Variants in HPS5 observed in about 807,000 individuals in gnomAD.
HPS5 encodes the protein BLOC-2 complex member HPS5.
In HPS5, 83 loss-of-function variants were observed where a neutral mutation model predicts 128.0. That is an observed-to-expected ratio of 0.65 (90% CI 0.54 to 0.78). The LOEUF (loss-of-function observed/expected upper bound fraction) is 0.78. Ranked by LOEUF, HPS5 falls within the 30% of genes least tolerant of loss-of-function variation. HPS5 has a pLI of 0.00. For synonymous variants in HPS5, 475 were observed against 470.2 expected (o/e 1.01, Z -0.13); for missense variants, 1,281 against 1,326.2 (o/e 0.97, Z 0.53).
At chr11:18,304,165 CT>C (rs1359596260) in intron 8 of HPS5, among the ~76,000 whole-genome samples, 1 of 150,572 alleles carries the variant, frequency 6.6e-6, no homozygotes, top group African/African-American at 2.4e-5. Context: ...TCTCTAGTAA[CT>C]TTCATGAAGA....
Position 18,296,043 on chromosome 11 carries a change from A to C in HPS5, c.1590T>G (p.Phe530Leu), listed in dbSNP as rs1435153862. ...GAGACACAAGAGGAGATGGAGAACG[A>C]AATGGTAATGGAATGCCGAACGGGA... ...TFLPFGIPLP[F>L]RSPSPLVSLQ... Residue 530 changes from phenylalanine (F) to leucine (L), a missense_variant, in exon 13 of 23, where the codon TTT becomes TTG. By Grantham distance (22) the Phe-to-Leu change is conservative. Coordinates refer to ENST00000349215, the MANE Select transcript of HPS5 (RefSeq NM_181507.2). The C allele has an allele frequency of 6.8e-6, 11 of 1,613,842 alleles. No individual in the cohort carries two copies. The highest frequency in any genetic ancestry group is 9.3e-6 in the Non-Finnish European group (11 of 1,179,690).
intron 8 of HPS5, 102 bp from the exon 9 acceptor site, chr11:18,301,018 C>G (rs1861639645): frequency 4.0e-6 from 3 of 746,984 alleles, no homozygotes; most frequent in Admixed American, 4.1e-5. Context: ...TAAAATCAAA[C>G]TGTACAAAGA....
intron 18 of HPS5, chr11:18,286,950 G>A: frequency 3.4e-6 from 2 of 579,952 alleles, no homozygotes; most frequent in Non-Finnish European, 6.0e-6. Flanking sequence ...GAAAGAAAGA[G>A]ACAAATAAAA....
Position 18,291,465 on chromosome 11 carries a change from TC to T in HPS5, c.2416del (p.Asp806IlefsTer7), listed in dbSNP as rs752592830. On this transcript the variant is annotated frameshift_variant, in exon 16 of 23. Coordinates refer to ENST00000349215, the MANE Select transcript of HPS5 (RefSeq NM_181507.2). LOFTEE classifies it high-confidence loss of function. ...ACCTTTCAATCCTTCAATAAAAGTA[TC>T]CCAAACAGAAGGGCTATTACTGTAA... is the stretch of plus-strand genomic sequence containing the variant. Reference protein sequence around the residue: ...LSYSNSPSVWDTFIEGLKEMA... With the variant: ...LSYSNSPSVWXTFIEGLKEMA... 5 of 1,608,682 alleles carry T rather than the reference TC, an allele frequency of 3.1e-6. No homozygotes were observed. Among genetic ancestry groups the T allele is most frequent in the Non-Finnish European group, 2.6e-6 (3 of 1,175,092 alleles).
intron 5 of HPS5, among the ~76,000 whole-genome samples, chr11:18,310,064 T>C (rs1862796757): frequency 6.6e-6 from 1 of 152,196 alleles, no homozygotes; most frequent in African/African-American, 2.4e-5. Context: ...GCCAGGATCC[T>C]AAATAGAAAT....
At chr11:18,303,621 T>C (rs1202170680) in intron 8 of HPS5, among the ~76,000 whole-genome samples, 1 of 152,110 alleles carries the variant, frequency 6.6e-6, no homozygotes. Context: ...GGGAAGCCGA[T>C]GCAGGTGGAT....
chr11:18,287,905 A>G lies in HPS5; in HGVS notation c.2549T>C (p.Val850Ala). The part of the protein sequence containing the change: ...EVPFDSPLLV[V>A]YATRLYEKFG... ...CAGGACAACTTACCGGGTAGCATAA[A>G]CAACCAACAACGGACTATCAAAAGG... Residue 850 changes from valine (V) to alanine (A), a missense_variant, in exon 17 of 23, where the codon GTT (valine) becomes GCT (alanine). Physicochemically the swap from Val to Ala is moderately conservative, Grantham distance 64. Coordinates refer to ENST00000349215, the MANE Select transcript of HPS5 (RefSeq NM_181507.2). The G allele has an allele frequency of 6.2e-7, 1 of 1,614,110 alleles. No homozygotes were observed. Among genetic ancestry groups the G allele is most frequent in the South Asian group, 1.1e-5 (1 of 91,084 alleles).
intron 21 of HPS5, among the ~76,000 whole-genome samples, chr11:18,283,282 G>A (rs1241271571): frequency 4.0e-5 from 6 of 150,872 alleles, no homozygotes; most frequent in East Asian, 3.9e-4. Context: ...AATTACAAGC[G>A]TGAGCCACCG....
At chr11:18,287,446 A>T in intron 18 of HPS5, 89 bp downstream of exon 18, 1 of 1,422,162 alleles carries the variant, frequency 7.0e-7, no homozygotes, top group Non-Finnish European at 9.9e-7. Flanking sequence ...CTTGGTAATT[A>T]ACAGTACACA....
chr11:18,319,711 A>T (rs1227935308), intron 1 of HPS5, among the ~76,000 whole-genome samples: 1 of 152,210 alleles, frequency 6.6e-6, no homozygotes, highest in African/African-American at 2.4e-5. Context: ...GTGGGTGGTT[A>T]GATGCTAGAA....
chr11:18,303,435 C>T (rs770374049), intron 8 of HPS5, among the ~76,000 whole-genome samples: 9 of 152,132 alleles, frequency 5.9e-5, no homozygotes, highest in Non-Finnish European at 1.3e-4. Flanking sequence ...TTCAAAGTGG[C>T]GTTAATTGTT....
rs1357658891 is a variant in HPS5, at chr11:18,295,996, T to C, written c.1634+3A>G. 1 of 1,613,170 alleles carries C rather than the reference T, an allele frequency of 6.2e-7. No homozygotes were observed. The highest frequency in any genetic ancestry group is 8.5e-7 in the Non-Finnish European group (1 of 1,179,096). On this transcript the variant is annotated splice_donor_region_variant and intron_variant, in intron 13 of 22. Transcript: ENST00000349215. ...AATTAAATGACAAGACTAATTGGTT[T>C]ACCTTTCTTTGACAGCCTGAAGAGA...
At chr11:18,295,791 T>C (rs1340551409) in intron 13 of HPS5, among the ~76,000 whole-genome samples, 1 of 152,152 alleles carries the variant, frequency 6.6e-6, no homozygotes, top group African/African-American at 2.4e-5. Context: ...GGCACCTACA[T>C]CTGCAACAAC....
In HPS5 at chr11:18,283,877, G is replaced by A; in HGVS notation, c.2976C>T (p.Leu992=). 6.2e-7 allele frequency: 1 copy of A among 1,612,978 alleles called. No individual in the cohort carries two copies. Among genetic ancestry groups the A allele is most frequent in the Non-Finnish European group, 8.5e-7 (1 of 1,179,406 alleles). ...CTCTTCTTCTCTCCAGCTCCAAACA[G>A]AGAATTAGATATCCAGGCCAGAAAC... The part of the protein sequence containing the change: ...SCGFWPGYLI[L]CLELERRREA... Residue 992 remains leucine, a synonymous_variant, in exon 21 of 23, where the codon CTC becomes CTT. Coordinates refer to ENST00000349215, the MANE Select transcript of HPS5 (RefSeq NM_181507.2).
chr11:18,306,036 A>G (rs1862321154), intron 7 of HPS5, 99 bp downstream of exon 7: 2 of 929,382 alleles, frequency 2.2e-6, no homozygotes, highest in East Asian at 4.9e-5. Flanking sequence ...CCAGCCAGGT[A>G]TAATAAAATC....
intron 22 of HPS5, among the ~76,000 whole-genome samples, chr11:18,281,454 CA>C (rs1858942030): frequency 6.6e-6 from 1 of 151,680 alleles, no homozygotes; most frequent in Admixed American, 6.6e-5. Flanking sequence ...GGCTAGAGTA[CA>C]GTGTCATGTT....
At chr11:18,313,064 C>T (rs568261087) in intron 2 of HPS5, among the ~76,000 whole-genome samples, 2 of 152,272 alleles carry the variant, frequency 1.3e-5, no homozygotes, top group South Asian at 4.1e-4. Flanking sequence ...TCCTTTAGGG[C>T]AGTAGCAAAA....
intron 2 of HPS5, 58 bp from the exon 3 acceptor site, chr11:18,312,082 T>C: frequency 7.7e-7 from 1 of 1,302,360 alleles, no homozygotes; most frequent in Non-Finnish European, 1.1e-6. Context: ...AAATAGACTA[T>C]CCACTGAAAA....
intron 2 of HPS5, among the ~76,000 whole-genome samples, chr11:18,313,662 T>C (rs750730028): frequency 6.6e-6 from 1 of 152,156 alleles, no homozygotes; most frequent in Non-Finnish European, 1.5e-5. Context: ...ACGCCTGTAA[T>C]CCCAACACTT....
Sources: gnomAD v4.1 joint callset for allele counts (sites outside exome capture counted in the v4.1 genomes callset) on GRCh38, gnomAD v4.1.1 for gene constraint, MANE v1.5 for transcripts, NCBI Gene and HGNC (gene_info 2026-07-23, HGNC 2026-07-21) for gene names.